The following THSD4 variants were observed in gnomAD, a reference collection of about 807,000 sequenced individuals.
The protein encoded by THSD4 is thrombospondin type-1 domain-containing protein 4.
In THSD4, 69 loss-of-function variants were observed where a neutral mutation model predicts 119.0. The observed-to-expected ratio is 0.58, with a 90% CI of 0.48 to 0.71. The LOEUF is 0.71. Among genes scored for constraint, THSD4 ranks in the 30% least tolerant of loss-of-function variants. The pLI is 0.00. For synonymous variants in THSD4, 524 were observed against 540.4 expected (o/e 0.97, Z 0.42); for missense variants, 1,393 against 1,391.1 (o/e 1.00, Z -0.02).
chr15:71,235,066 T>G (rs1442096473), intron 4 of THSD4, among the ~76,000 whole-genome samples: 2 of 152,224 alleles, frequency 1.3e-5, no homozygotes, highest in African/African-American at 4.8e-5. Flanking sequence ...CGAAAGTATT[T>G]TGGCAAAAAG....
chr15:71,099,256 T>C (rs2040244262), intron 1 of THSD4, among the ~76,000 whole-genome samples: 1 of 152,210 alleles, frequency 6.6e-6, no homozygotes, highest in Non-Finnish European at 1.5e-5. Flanking sequence ...ATTCTGCCAC[T>C]GGGTGGACCT....
chr15:71,770,876 G>A (rs1330984671), intron 16 of THSD4, among the ~76,000 whole-genome samples, 188 bp from the exon 17 acceptor site: 2 of 152,124 alleles, frequency 1.3e-5, no homozygotes, highest in Non-Finnish European at 2.9e-5. Context: ...GGAGGGCTGG[G>A]GATATGGATA....
At chr15:71,529,446 G>T (rs2048577570) in intron 7 of THSD4, among the ~76,000 whole-genome samples, 1 of 152,152 alleles carries the variant, frequency 6.6e-6, no homozygotes, top group Non-Finnish European at 1.5e-5. Flanking sequence ...TTCAAAATAT[G>T]CTGTGTATAT....
chr15:71,624,148 T>TG (rs1450999737), intron 7 of THSD4, among the ~76,000 whole-genome samples: 1 of 152,182 alleles, frequency 6.6e-6, no homozygotes. Flanking sequence ...CAGGGAGTTC[T>TG]GGAGCCACAA....
rs796926599 is a variant in THSD4, at chr15:71,593,251, C to T, written c.1153-67279C>T. Among the ~76,000 whole-genome samples the T allele has an allele frequency of 8.7e-4, 14 of 16,072 alleles. 6 individuals are homozygous for T. Among genetic ancestry groups the T allele is most frequent in the African/African-American group, 1.5e-3 (14 of 9,462 alleles). The allele number at this position is 16,072 out of a possible 152,430, so 10.5% of individuals were successfully genotyped here. ...CATCCCGGCTAAAACGGTGAAACCC[C>T]GTCTCTACTAAAAATACAAAAAATT... On this transcript the variant is annotated intron_variant, in intron 7 of 17. Transcript: ENST00000261862.
rs184162398 is a variant in THSD4 at position 71,671,291 on chromosome 15, A to G, written c.1357+10557A>G. 7.9e-5 allele frequency among the ~76,000 whole-genome samples: 12 copies of G among 152,272 alleles called. No individual in the cohort carries two copies. The East Asian group carries it at 2.3e-3, about 29-fold the overall frequency. The stretch of plus-strand genomic sequence containing the variant: ...GCTGCATAAATGTTTTCTTTTGAGA[A>G]GTGTCTGTTCATATCCTTCGCCCAC... On this transcript the variant is annotated intron_variant, in intron 8 of 17. Coordinates refer to ENST00000261862, the MANE Select transcript of THSD4 (RefSeq NM_024817.3).
At chr15:71,438,019 T>G (rs558202698) in intron 7 of THSD4, among the ~76,000 whole-genome samples, 42 of 152,356 alleles carry the variant, frequency 2.8e-4, no homozygotes, top group African/African-American at 1.0e-3. Flanking sequence ...GTGCAGTGCC[T>G]TGGGTGAAGA....
intron 6 of THSD4, among the ~76,000 whole-genome samples, chr15:71,291,941 C>A (rs1415113978): frequency 6.6e-6 from 1 of 152,156 alleles, no homozygotes; most frequent in Non-Finnish European, 1.5e-5. Context: ...TGGCCCCTGT[C>A]TACCACATCC....
At chr15:71,483,251 C>G (rs982996333) in intron 7 of THSD4, among the ~76,000 whole-genome samples, 8 of 152,154 alleles carry the variant, frequency 5.3e-5, no homozygotes, top group African/African-American at 1.9e-4. Flanking sequence ...GTCACAGTCT[C>G]CAATACCTCA....
chr15:71,775,820 C>A (rs2053903074), intron 17 of THSD4, among the ~76,000 whole-genome samples: 1 of 152,144 alleles, frequency 6.6e-6, no homozygotes, highest in African/African-American at 2.4e-5. Flanking sequence ...TGTTGAGGGA[C>A]TTTTCCTACC....
chr15:71,296,350 T>C (rs4776546), intron 6 of THSD4, among the ~76,000 whole-genome samples: 147,846 of 152,268 alleles, frequency 0.97, 71,927 homozygotes, highest in East Asian at 1. Flanking sequence ...AGGTCTGGCA[T>C]GGGGCCCAGG....
At chr15:71,180,764 G>T (rs78049849) in intron 3 of THSD4, among the ~76,000 whole-genome samples, 2,616 of 152,242 alleles carry the variant, frequency 0.017, 39 homozygotes, top group South Asian at 0.049. Flanking sequence ...GATACCAACA[G>T]GGGGTGAGGG....
At chr15:71,401,811 A>G (rs2046536940) in intron 6 of THSD4, among the ~76,000 whole-genome samples, 1 of 152,238 alleles carries the variant, frequency 6.6e-6, no homozygotes, top group Non-Finnish European at 1.5e-5. Context: ...ACATATGCTT[A>G]TTGCAGTGCT....
At chr15:71,649,094 C>T (rs757204708) in intron 7 of THSD4, among the ~76,000 whole-genome samples, 2 of 152,178 alleles carry the variant, frequency 1.3e-5, no homozygotes, top group Non-Finnish European at 2.9e-5. Flanking sequence ...TAAATCCCAG[C>T]AAGTGCACTT....
At chr15:71,763,381 A>C (rs1284148459) in intron 15 of THSD4, among the ~76,000 whole-genome samples, 1 of 151,286 alleles carries the variant, frequency 6.6e-6, no homozygotes, top group Non-Finnish European at 1.5e-5. Flanking sequence ...GTCTATAATA[A>C]AGTACATAGA....
intron 7 of THSD4, among the ~76,000 whole-genome samples, chr15:71,571,164 A>T (rs2049346795): frequency 6.6e-6 from 1 of 152,064 alleles, no homozygotes; most frequent in African/African-American, 2.4e-5. Context: ...AAGGGATTCA[A>T]AGTGGAAAGC....
intron 3 of THSD4, among the ~76,000 whole-genome samples, chr15:71,193,724 TTG>T (rs1024598749): frequency 1.3e-5 from 2 of 152,194 alleles, no homozygotes; most frequent in African/African-American, 4.8e-5. Context: ...TTCTTTTTTT[TTG>T]AGACGGAGTC....
intron 7 of THSD4, among the ~76,000 whole-genome samples, chr15:71,633,032 G>T (rs2050661856): frequency 6.6e-6 from 1 of 152,108 alleles, no homozygotes; most frequent in Non-Finnish European, 1.5e-5. Context: ...TTTTTCAGGA[G>T]GCAGGACATC....
rs57672981 is a variant in THSD4, at chr15:71,763,080, AT to A, written c.2590-1931del. On this transcript the variant is annotated intron_variant, in intron 15 of 17. Transcript: ENST00000261862. ...AGCAAGACTCCATCTCAAAAAAAAA[AT>A]TTTTTTTTAGTAAAAAAATCCCGTA... is the stretch of plus-strand genomic sequence containing the variant. Among the ~76,000 whole-genome samples the A allele has an allele frequency of 8.3e-3, 1,252 of 151,692 alleles. 7 individuals are homozygous for A. The highest frequency in any genetic ancestry group is 0.012 in the Non-Finnish European group (825 of 67,888).
Sources: gnomAD v4.1 joint callset for allele counts (sites outside exome capture counted in the v4.1 genomes callset) on GRCh38, gnomAD v4.1.1 for gene constraint, MANE v1.5 for transcripts, NCBI Gene and HGNC (gene_info 2026-07-23, HGNC 2026-07-21) for gene names.